POLQ: variants seen among roughly 807,000 people sequenced by gnomAD.
POLQ encodes DNA polymerase theta.
In POLQ, 233 loss-of-function variants were observed where a neutral mutation model predicts 259.2. The ratio of observed to expected loss-of-function variants is 0.90; its 90% CI spans 0.81 to 1.00. The LOEUF (loss-of-function observed/expected upper bound fraction) is 1.00. Among genes scored for constraint, POLQ ranks in the 50% least tolerant of loss-of-function variants. The pLI, the probability that POLQ is intolerant of heterozygous loss-of-function variation, is 0.00. For missense variants in POLQ, 2,871 were observed against 3,051.6 expected (o/e 0.94, Z 1.39); for synonymous variants, 1,025 against 1,048.8 (o/e 0.98, Z 0.44).
At position 121,545,892 on chromosome 3, in the gene POLQ, G is replaced by C; in HGVS notation, c.-15C>G. The C allele has an allele frequency of 6.2e-7, 1 of 1,612,520 alleles. No homozygotes were observed. Among genetic ancestry groups the C allele is most frequent in the Non-Finnish European group, 8.5e-7 (1 of 1,179,758 alleles). On this transcript the variant is annotated 5_prime_UTR_variant, in exon 1 of 30. Coordinates refer to ENST00000264233, the MANE Select transcript of POLQ (RefSeq NM_199420.4). ...AGAAGATTCATGGCAAACTCTTCTC[G>C]GCCGATCAGGGCAAGCCACAGTCCC...
In POLQ at chr3:121,439,444, G is replaced by A. The variant is rs148945914; in HGVS notation, c.7389+548C>T. ...TAGGTGATCTCACTATGTTGCCCAA[G>A]CTGGTCTCAAACTCCTGGGCGCAAG... On this transcript the variant is annotated intron_variant, in intron 27 of 29. Coordinates refer to ENST00000264233, the MANE Select transcript of POLQ (RefSeq NM_199420.4). 9.0e-3 allele frequency among the ~76,000 whole-genome samples: 1,371 copies of A among 152,114 alleles called. 19 individuals carry two copies. Among genetic ancestry groups the A allele is most frequent in the African/African-American group, 0.031 (1,299 of 41,498 alleles).
chr3:121,501,284 A>G (rs1216727040), intron 12 of POLQ, among the ~76,000 whole-genome samples: 1 of 152,100 alleles, frequency 6.6e-6, no homozygotes, highest in East Asian at 1.9e-4. Flanking sequence ...TATATAAAGG[A>G]GAGTTATTTT....
chr3:121,536,354 G>A (rs1197139760), intron 5 of POLQ, among the ~76,000 whole-genome samples: 1 of 152,100 alleles, frequency 6.6e-6, no homozygotes, highest in East Asian at 1.9e-4. Flanking sequence ...CATAGTAAAA[G>A]TCAAGATATA....
intron 10 of POLQ, among the ~76,000 whole-genome samples, chr3:121,511,226 C>CAAA (rs34066876): frequency 1.9e-4 from 14 of 74,902 alleles, no homozygotes; most frequent in Admixed American, 5.0e-4. Context: ...ACTCCGTCTC[C>CAAA]AAAAAAAAAA....
At chr3:121,528,634 C>T (rs1177663454) in intron 7 of POLQ, among the ~76,000 whole-genome samples, 4 of 152,040 alleles carry the variant, frequency 2.6e-5, no homozygotes, top group Non-Finnish European at 4.4e-5. Flanking sequence ...TGAGCCACCA[C>T]GCCTGGCAGA....
Position 121,489,344 on chromosome 3 carries a change from A to G in POLQ, c.3587T>C (p.Leu1196Pro). 1 of 1,613,184 alleles carries G rather than the reference A, an allele frequency of 6.2e-7. No homozygotes were observed. Among genetic ancestry groups the G allele is most frequent in the Non-Finnish European group, 8.5e-7 (1 of 1,179,694 alleles). ...HHDIHPINQY[L>P]RKQSHEQTST... ...TGTCTGTTCATGAGATTGCTTTCGC[A>G]GGTACTGGTTAATTGGATGGATGTC... The change falls in exon 16 of 30, where the codon CTG (leucine) becomes CCG (proline). Residue 1196 changes from leucine (L) to proline (P), a missense_variant. Around this residue, in one of 3 missense-constraint regions of POLQ, gnomAD observed 2,080 missense variants for 2,126.0 expected, o/e 0.98. Transcript: ENST00000264233.
chr3:121,436,297 T>C (rs2047544182), intron 27 of POLQ, 22 bp from the exon 28 acceptor site: 2 of 1,612,070 alleles, frequency 1.2e-6, no homozygotes, highest in South Asian at 1.1e-5. Context: ...AATCAACAGG[T>C]GCTCCACCAG....
At chr3:121,524,703 C>A (rs1394046015) in intron 7 of POLQ, among the ~76,000 whole-genome samples, 1 of 151,800 alleles carries the variant, frequency 6.6e-6, no homozygotes, top group Non-Finnish European at 1.5e-5. Flanking sequence ...AAGCAGAGAT[C>A]AACAGTTGCC....
At position 121,433,244 on chromosome 3, in the gene POLQ, T is replaced by A. The variant is rs1451378503; in HGVS notation, c.7544-211A>T. 2.0e-5 allele frequency among the ~76,000 whole-genome samples: 3 copies of A among 152,148 alleles called. No homozygotes were observed. In the East Asian group the frequency reaches 5.8e-4, roughly 29 times the overall value. The stretch of plus-strand genomic sequence containing the variant: ...AACTTCCTCCTAGAAAGAAGGAGTC[T>A]CCCAAAGAAGTCAGTAAATGGGGTG... On this transcript the variant is annotated intron_variant, in intron 28 of 29. Coordinates refer to ENST00000264233, the MANE Select transcript of POLQ (RefSeq NM_199420.4).
At chr3:121,543,161 G>A (rs2048502804) in intron 2 of POLQ, among the ~76,000 whole-genome samples, 2 of 152,156 alleles carry the variant, frequency 1.3e-5, no homozygotes, top group Admixed American at 1.3e-4. Context: ...CAGACACCAG[G>A]ACTTGGTGAT....
At chr3:121,497,047 T>G in intron 13 of POLQ, 115 bp from the exon 14 acceptor site, 2 of 1,013,636 alleles carry the variant, frequency 2.0e-6, no homozygotes, top group Non-Finnish European at 2.9e-6. Context: ...TATAATACAT[T>G]GTGGTGAGAT....
chr3:121,501,706 G>A (rs1304290979), intron 12 of POLQ, among the ~76,000 whole-genome samples: 3 of 138,840 alleles, frequency 2.2e-5, no homozygotes, highest in Non-Finnish European at 3.1e-5. Context: ...CTAGCCAGGC[G>A]CAGCGGCTCA....
chr3:121,511,709 C>T (rs543831244), intron 10 of POLQ, among the ~76,000 whole-genome samples, 178 bp downstream of exon 10: 18 of 152,178 alleles, frequency 1.2e-4, no homozygotes, highest in Non-Finnish European at 1.8e-4. Flanking sequence ...ACCCGGGAGG[C>T]GGAGGTTGCA....
chr3:121,540,589 G>A (rs2048482928), intron 3 of POLQ, among the ~76,000 whole-genome samples: 1 of 152,136 alleles, frequency 6.6e-6, no homozygotes, highest in Non-Finnish European at 1.5e-5. Context: ...CATACCTGGA[G>A]CTTTACCTAA....
At position 121,532,779 on chromosome 3, in the gene POLQ, C is replaced by T. The variant is rs41543715; in HGVS notation, c.960+211G>A. 3.5e-3 allele frequency among the ~76,000 whole-genome samples: 539 copies of T among 152,182 alleles called. 3 individuals are homozygous for T. The highest frequency in any genetic ancestry group is 5.2e-3 in the Non-Finnish European group (354 of 68,000). ...AACTCTTGACCTCAAGTGATCCACC[C>T]GCCTTGGCCTCCCAACATGTTGGGA... On this transcript the variant is annotated intron_variant, in intron 6 of 29. Transcript: ENST00000264233.
At chr3:121,467,967 AG>A (rs2047852353) in intron 23 of POLQ, among the ~76,000 whole-genome samples, 1 of 152,166 alleles carries the variant, frequency 6.6e-6, no homozygotes, top group African/African-American at 2.4e-5. Context: ...CAGGAGGTGG[AG>A]GTTGCAGTAA....
At chr3:121,471,539 C>T (rs766429759) in intron 22 of POLQ, among the ~76,000 whole-genome samples, 20 of 151,898 alleles carry the variant, frequency 1.3e-4, no homozygotes, top group Non-Finnish European at 2.6e-4. Context: ...GTCAGGAGTT[C>T]GAGACCAGCC....
At position 121,481,683 on chromosome 3, in the gene POLQ, GC is replaced by G; in HGVS notation, c.6099del (p.Leu2034Ter). 1 of 1,614,090 alleles carries G rather than the reference GC, an allele frequency of 6.2e-7. No individual in the cohort carries two copies. The highest frequency in any genetic ancestry group is 8.5e-7 in the Non-Finnish European group (1 of 1,180,000). The stretch of plus-strand genomic sequence containing the variant: ...CCAGAATGCTCACTGCCAGCATTTA[GC>G]CCCAGGCTTTGAATCCCTTGGCTGG... Reference protein sequence around the residue: ...METSQGIQSLGLNAGSEHSGR... With the variant: ...METSQGIQSLXLNAGSEHSGR... On this transcript the variant is annotated frameshift_variant, in exon 19 of 30. Coordinates refer to ENST00000264233, the MANE Select transcript of POLQ (RefSeq NM_199420.4). LOFTEE classifies it high-confidence loss of function.
rs770231254 is a variant in POLQ at position 121,544,275 on chromosome 3, C to T, written c.343+452G>A. ...GGCTGAGGCAGGAGAATCACTTGAA[C>T]CTGGGAGGTGGAAGTTGCAGTAAGC... is the stretch of plus-strand genomic sequence containing the variant. On this transcript the variant is annotated intron_variant, in intron 2 of 29. Transcript: ENST00000264233. Among the ~76,000 whole-genome samples, 5 of 152,188 alleles carry T rather than the reference C, an allele frequency of 3.3e-5. No individual in the cohort carries two copies. The South Asian group carries it at 1.0e-3, about 32-fold the overall frequency.
Sources: allele counts gnomAD v4.1 joint callset (sites outside exome capture counted in the v4.1 genomes callset), GRCh38; gene constraint gnomAD v4.1.1; regional missense constraint gnomAD v4.1.1; transcripts MANE v1.5; gene names NCBI Gene and HGNC (gene_info 2026-07-23, HGNC 2026-07-21).